Variants in CHD4 observed in about 807,000 individuals in gnomAD.
The protein encoded by CHD4 is ATP-dependent chromatin remodeler CHD4.
In CHD4, 35 loss-of-function variants were observed where a neutral mutation model predicts 235.5. The observed-to-expected ratio is 0.15, with a 90% CI of 0.11 to 0.20. The LOEUF is 0.20. CHD4 is among the 10% of genes least tolerant of loss of function. CHD4 has a pLI of 1.00. For missense variants in CHD4, 1,329 were observed against 2,432.3 expected (o/e 0.55, Z 9.54); for synonymous variants, 900 against 850.2 (o/e 1.06, Z -1.02).
In CHD4 at chr12:6,593,834, CTTTATATACT is replaced by C. The variant is rs769347541; in HGVS notation, c.2314-228_2314-219del. On this transcript the variant is annotated intron_variant, in intron 15 of 39. Transcript: ENST00000544040. This position sits in a 1 kb window ranked among gnomAD's most constrained non-coding sequence, Gnocchi z 4.9. ...ACAAGTCTTACCTCTCCCATTAAGT[CTTTATATACT>C]TTTTTTCTGAGACGGAGTTTCACTC... 5.9e-5 allele frequency among the ~76,000 whole-genome samples: 9 copies of C among 152,070 alleles called. No homozygotes were observed. The highest frequency in any genetic ancestry group is 8.8e-5 in the Non-Finnish European group (6 of 68,016).
intron 2 of CHD4, among the ~76,000 whole-genome samples, 167 bp downstream of exon 2, chr12:6,606,107 C>T (rs1948691207): frequency 6.6e-6 from 1 of 152,226 alleles, no homozygotes; most frequent in African/African-American, 2.4e-5. Flanking sequence ...GGCTTCCACC[C>T]CCCTCACACC....
At position 6,601,990 on chromosome 12, in the gene CHD4, C is replaced by T; in HGVS notation, c.408G>A (p.Glu136=). The T allele has an allele frequency of 6.2e-7, 1 of 1,609,890 alleles. No homozygotes were observed. Among genetic ancestry groups the T allele is most frequent in the Non-Finnish European group, 8.5e-7 (1 of 1,179,858 alleles). Residue 136 remains glutamate, a synonymous_variant, in exon 4 of 40, where the codon GAG becomes GAA. Coordinates refer to ENST00000544040, the MANE Select transcript of CHD4 (RefSeq NM_001273.5). ...KKSKSKRKEE[E]EEEDDDDDSK... ...AATCATCATCATCATCCTCCTCCTC[C>T]TCCTCCTCCTTCCGCTTGGATTTGC...
At chr12:6,600,853 A>C in intron 7 of CHD4, 73 bp downstream of exon 7, 1 of 1,522,390 alleles carries the variant, frequency 6.6e-7, no homozygotes, top group South Asian at 1.3e-5. Flanking sequence ...TATGAAGGAC[A>C]GGTTCTGATA....
chr12:6,578,549 A>C lies in CHD4; in HGVS notation c.4982-3T>G, dbSNP rs1340764393. The C allele has an allele frequency of 6.2e-7, 1 of 1,610,204 alleles. No homozygotes were observed. Among genetic ancestry groups the C allele is most frequent in the East Asian group, 2.2e-5 (1 of 44,882 alleles). On this transcript the variant is annotated splice_polypyrimidine_tract_variant and splice_region_variant and intron_variant, in intron 34 of 39. Transcript: ENST00000544040. Reference sequence around the variant, plus strand: ...CTCTTCTTCTTCTTTCTTCTCTTCTACAGAATATGGGGAAGAAAAATGTCA... The same window carrying C: ...CTCTTCTTCTTCTTTCTTCTCTTCTCCAGAATATGGGGAAGAAAAATGTCA...
intron 2 of CHD4, among the ~76,000 whole-genome samples, chr12:6,606,046 T>G (rs886554044): frequency 1.3e-5 from 2 of 152,086 alleles, no homozygotes; most frequent in South Asian, 4.1e-4. Flanking sequence ...TGCAGAGCAT[T>G]CCTCAAGACA....
At chr12:6,580,718 A>AAACAAACAAAC in intron 33 of CHD4, 4 of 241,828 alleles carry the variant, frequency 1.7e-5, no homozygotes, top group Non-Finnish European at 1.5e-5. Context: ...AAAAAAAAAA[A>AAACAAACAAAC]AAAAAAAAAG....
intron 21 of CHD4, 36 bp from the exon 22 acceptor site, chr12:6,591,619 A>C (rs1948402649): frequency 6.2e-7 from 1 of 1,613,724 alleles, no homozygotes; most frequent in Non-Finnish European, 8.5e-7. Flanking sequence ...TGGAAGAGTC[A>C]GATGGTAATC....
At chr12:6,595,732 G>A (rs1397836213) in intron 13 of CHD4, among the ~76,000 whole-genome samples, 1 of 149,338 alleles carries the variant, frequency 6.7e-6, no homozygotes, top group East Asian at 2.0e-4. Context: ...AGGCTGCAGC[G>A]AGCCAAGATC....
intron 12 of CHD4, 61 bp from the exon 13 acceptor site, chr12:6,596,198 C>A: frequency 6.3e-7 from 1 of 1,593,824 alleles, no homozygotes; most frequent in South Asian, 1.1e-5. Flanking sequence ...CACTTCCTCT[C>A]AAAAACTGGC....
chr12:6,599,984 T>C lies in CHD4; in HGVS notation c.1271A>G (p.Lys424Arg). The C allele has an allele frequency of 6.2e-7, 1 of 1,614,158 alleles. No homozygotes were observed. The highest frequency in any genetic ancestry group is 8.5e-7 in the Non-Finnish European group (1 of 1,180,020). The change falls in exon 10 of 40, where the codon AAA becomes AGA. Residue 424 changes from lysine to arginine, a missense_variant. Physicochemically the swap from Lys to Arg is conservative, Grantham distance 26. Coordinates refer to ENST00000544040, the MANE Select transcript of CHD4 (RefSeq NM_001273.5). The stretch of plus-strand genomic sequence containing the variant: ...CTCCTCACCCTCCGAATTGTCCTCT[T>C]TAGCTTCCCACTGGATGCCTTCCTT... The part of the protein sequence containing the change: ...CEKEGIQWEA[K>R]EDNSEGEEIL...
intron 13 of CHD4, 25 bp downstream of exon 13, chr12:6,595,981 C>G: frequency 1.9e-6 from 3 of 1,592,576 alleles, no homozygotes; most frequent in Non-Finnish European, 1.7e-6. Context: ...AGAAACAACT[C>G]TATGCCTCAC....
Position 6,601,292 on chromosome 12 carries a change from T to C in CHD4, c.796A>G (p.Lys266Glu). 6.2e-7 allele frequency: 1 copy of C among 1,613,592 alleles called. No individual in the cohort carries two copies. Among genetic ancestry groups the C allele is most frequent in the Non-Finnish European group, 8.5e-7 (1 of 1,179,682 alleles). The change falls in exon 6 of 40, where the codon AAA (lysine) becomes GAA (glutamate). Residue 266 changes from lysine (K) to glutamate (E), a missense_variant. Lys to Glu is a moderately conservative substitution (Grantham distance 56). This residue lies in a region of CHD4 where 160 missense variants were observed against 196.6 expected (regional missense o/e 0.81). Transcript: ENST00000544040. The stretch of plus-strand genomic sequence containing the variant: ...TCCCATTTGAACCCCATTTCACCTT[T>C]GCCCTCCTTGGTCTTGGCCTTGCGG... The part of the protein sequence containing the change: ...PIRKAKTKEG[K>E]GPNARRKPKG...
intron 25 of CHD4, among the ~76,000 whole-genome samples, chr12:6,585,916 G>A (rs957092110): frequency 6.6e-6 from 1 of 151,674 alleles, no homozygotes; most frequent in Non-Finnish European, 1.5e-5. Context: ...TGGCCAACAT[G>A]GTGAAACCCC....
At chr12:6,587,184 G>GT (rs1325974918) in intron 25 of CHD4, 200 bp downstream of exon 25, 6 of 583,776 alleles carry the variant, frequency 1.0e-5, no homozygotes, top group East Asian at 2.9e-5. Context: ...ATATTTGGTT[G>GT]TAAGTTTTCT....
At chr12:6,581,227 C>T in intron 32 of CHD4, 54 bp from the exon 33 acceptor site, 8 of 1,612,728 alleles carry the variant, frequency 5.0e-6, no homozygotes, top group East Asian at 2.2e-5. Flanking sequence ...AGGCCAGCAA[C>T]TAAAAGGAAG....
rs772882427 is a variant in CHD4, at chr12:6,600,417, C to T, written c.1064-22G>A. 2.5e-6 allele frequency: 4 copies of T among 1,612,466 alleles called. No homozygotes were observed. The South Asian group carries it at 4.4e-5, about 18-fold the overall frequency. ...TCGCCTGGGCAAGGAAGAGGGAAAG[C>T]CCAGTTATTGGAAAAAAACTACCTC... On this transcript the variant is annotated intron_variant, in intron 8 of 39. Coordinates refer to ENST00000544040, the MANE Select transcript of CHD4 (RefSeq NM_001273.5).
In CHD4 at chr12:6,591,556, C is replaced by T; in HGVS notation, c.3250G>A (p.Asp1084Asn). The change falls in exon 22 of 40, where the codon GAT becomes AAT. Residue 1084 changes from aspartate (D) to asparagine (N), a missense_variant. Asp to Asn is a conservative substitution (Grantham distance 23, BLOSUM62 1). Around this residue, in one of 26 missense-constraint regions of CHD4, gnomAD observed 39 missense variants for 83.8 expected, o/e 0.47. Coordinates refer to ENST00000544040, the MANE Select transcript of CHD4 (RefSeq NM_001273.5). The part of the protein sequence containing the change: ...QMTKMLDLLE[D>N]FLEHEGYKYE... ...TTATAACCTTCATGTTCCAAGAAAT[C>T]CTCTAGCAGGTCTAGCATCTTGGTC... 6.2e-7 allele frequency: 1 copy of T among 1,614,204 alleles called. No individual in the cohort carries two copies. Among genetic ancestry groups the T allele is most frequent in the Non-Finnish European group, 8.5e-7 (1 of 1,180,034 alleles).
At chr12:6,576,234 G>A (rs1449998272) in intron 37 of CHD4, among the ~76,000 whole-genome samples, 1 of 152,148 alleles carries the variant, frequency 6.6e-6, no homozygotes, top group Non-Finnish European at 1.5e-5. Context: ...GCACACGCCT[G>A]TTGTCCCAGC....
intron 37 of CHD4, among the ~76,000 whole-genome samples, chr12:6,576,265 G>T (rs971693767): frequency 2.0e-5 from 3 of 152,160 alleles, no homozygotes; most frequent in Non-Finnish European, 4.4e-5. Context: ...GCTGAGGCAG[G>T]AAAATCGCTT....
Sources: gnomAD v4.1 joint callset for allele counts (sites outside exome capture counted in the v4.1 genomes callset) on GRCh38, gnomAD v4.1.1 for gene constraint, gnomAD v4.1.1 regional missense constraint, Gnocchi (gnomAD v3.1) non-coding constraint, MANE v1.5 for transcripts, NCBI Gene and HGNC (gene_info 2026-07-23, HGNC 2026-07-21) for gene names.